The following FOXJ3 variants were observed in gnomAD, a reference collection of about 807,000 sequenced individuals.
The protein encoded by FOXJ3 is forkhead box protein J3.
A neutral mutation model predicts 76.1 loss-of-function variants in FOXJ3; 22 were observed. That is an observed-to-expected ratio of 0.29 (90% CI 0.21 to 0.41). The LOEUF is 0.41. Ranked by LOEUF, FOXJ3 falls within the 10% of genes least tolerant of loss-of-function variation. The pLI is 1.00. For synonymous variants in FOXJ3, 269 were observed against 261.2 expected, an observed-to-expected ratio of 1.03 and a Z score of -0.29; for missense variants, 613 against 762.1, an observed-to-expected ratio of 0.80 and a Z score of 2.30.
At position 42,322,375 on chromosome 1, in the gene FOXJ3, G is replaced by A. The variant is rs572576407; in HGVS notation, c.-17-11265C>T. Reference sequence around the variant, plus strand: ...TACAATGATGGCATGGGTAATATAAGAAAATATTTACATTTTCTTAAAGAT... The same window carrying A: ...TACAATGATGGCATGGGTAATATAAAAAAATATTTACATTTTCTTAAAGAT... On this transcript the variant is annotated intron_variant, in intron 1 of 12. Transcript: ENST00000361346. Among the ~76,000 whole-genome samples the A allele has an allele frequency of 1.4e-4, 21 of 151,942 alleles. No individual in the cohort carries two copies. In the South Asian group the frequency reaches 3.9e-3, roughly 29 times the overall value.
chr1:42,194,727 T>C (rs1181420897), intron 8 of FOXJ3, among the ~76,000 whole-genome samples, 163 bp downstream of exon 8: 1 of 152,194 alleles, frequency 6.6e-6, no homozygotes. Context: ...TGCTATGATA[T>C]AAATAGAACA....
At chr1:42,316,561 T>C (rs920714551) in intron 1 of FOXJ3, among the ~76,000 whole-genome samples, 7 of 152,004 alleles carry the variant, frequency 4.6e-5, no homozygotes, top group African/African-American at 1.7e-4. Context: ...TTCATGACCT[T>C]GTAGCTGAAG....
At chr1:42,278,883 C>T (rs1477179831) in intron 2 of FOXJ3, among the ~76,000 whole-genome samples, 1 of 152,060 alleles carries the variant, frequency 6.6e-6, no homozygotes, top group African/African-American at 2.4e-5. Flanking sequence ...CAAAACATAA[C>T]AAACTTGGTT....
chr1:42,239,677 C>T (rs761363797), intron 4 of FOXJ3, among the ~76,000 whole-genome samples: 5 of 152,156 alleles, frequency 3.3e-5, no homozygotes. Context: ...AGTATTATTA[C>T]TCTGGCTTTT....
intron 4 of FOXJ3, among the ~76,000 whole-genome samples, chr1:42,247,652 T>C (rs1315955954): frequency 2.0e-5 from 3 of 152,188 alleles, no homozygotes; most frequent in Non-Finnish European, 2.9e-5. Flanking sequence ...TTGGCAAGGA[T>C]GTGAAAAACT....
At chr1:42,323,739 G>C (rs1239777643) in intron 1 of FOXJ3, 1 of 939,898 alleles carries the variant, frequency 1.1e-6, no homozygotes, top group African/African-American at 1.8e-5. Flanking sequence ...GTACTCAAGA[G>C]ATATATGCTG....
Position 42,259,788 on chromosome 1 carries a change from C to T in FOXJ3, c.444+5327G>A, listed in dbSNP as rs1202116912. Among the ~76,000 whole-genome samples, 3 of 152,172 alleles carry T rather than the reference C, an allele frequency of 2.0e-5. No individual in the cohort carries two copies. In the East Asian group the frequency reaches 5.8e-4, roughly 29 times the overall value. On this transcript the variant is annotated intron_variant, in intron 4 of 12. Coordinates refer to ENST00000361346, the MANE Select transcript of FOXJ3 (RefSeq NM_014947.5). ...AGTACTTATATTAATTCCCTTAATT[C>T]CTGATTCTACCCAGCTTTGCTCTGA...
intron 2 of FOXJ3, among the ~76,000 whole-genome samples, chr1:42,279,219 T>G (rs761545510): frequency 6.6e-6 from 1 of 151,974 alleles, no homozygotes; most frequent in Non-Finnish European, 1.5e-5. Context: ...AGGTAGGCGG[T>G]AGGAAGAGTA....
chr1:42,283,042 CAT>C (rs1652828092), intron 2 of FOXJ3, among the ~76,000 whole-genome samples: 1 of 152,100 alleles, frequency 6.6e-6, no homozygotes, highest in Admixed American at 6.6e-5. Context: ...TAAGGGTACT[CAT>C]AGGTTTGAAG....
At chr1:42,194,313 G>A (rs1354025622) in intron 8 of FOXJ3, among the ~76,000 whole-genome samples, 2 of 152,152 alleles carry the variant, frequency 1.3e-5, no homozygotes, top group African/African-American at 2.4e-5. Flanking sequence ...ATTATAGCAA[G>A]AATCTACCAT....
intron 5 of FOXJ3, among the ~76,000 whole-genome samples, chr1:42,208,633 G>A (rs1167562222): frequency 6.6e-6 from 1 of 152,144 alleles, no homozygotes; most frequent in Non-Finnish European, 1.5e-5. Context: ...CCAGGAACAA[G>A]ACAATGATAC....
At chr1:42,308,917 T>C (rs1003104943) in intron 2 of FOXJ3, among the ~76,000 whole-genome samples, 2 of 149,904 alleles carry the variant, frequency 1.3e-5, no homozygotes, top group Non-Finnish European at 2.9e-5. Context: ...ATATGAGTGT[T>C]TCAGCATTTC....
chr1:42,252,921 C>T (rs1225084671), intron 4 of FOXJ3, among the ~76,000 whole-genome samples: 23 of 150,186 alleles, frequency 1.5e-4, no homozygotes, highest in African/African-American at 4.4e-4. Flanking sequence ...GATGCCCTCT[C>T]TCACCACTCC....
chr1:42,199,079 A>G, intron 7 of FOXJ3, 23 bp downstream of exon 7: 7 of 1,596,602 alleles, frequency 4.4e-6, no homozygotes, highest in Non-Finnish European at 6.0e-6. Context: ...AACTATTAAC[A>G]TGTTAACTTC....
intron 6 of FOXJ3, among the ~76,000 whole-genome samples, chr1:42,200,380 T>A (rs1040556591): frequency 1.3e-5 from 2 of 152,230 alleles, no homozygotes; most frequent in Admixed American, 1.3e-4. Context: ...TCTTTCCTTT[T>A]TAAAATTCAT....
intron 4 of FOXJ3, among the ~76,000 whole-genome samples, chr1:42,230,188 TC>T: frequency 6.6e-6 from 1 of 152,184 alleles, no homozygotes; most frequent in South Asian, 2.1e-4. Context: ...AATTGTGAAA[TC>T]TTCCACCAAA....
At chr1:42,205,382 T>G (rs1646841293) in intron 6 of FOXJ3, among the ~76,000 whole-genome samples, 1 of 152,228 alleles carries the variant, frequency 6.6e-6, no homozygotes, top group African/African-American at 2.4e-5. Flanking sequence ...TTTATTTTAC[T>G]AGATTCTGTT....
chr1:42,328,050 A>T (rs1282070029), intron 1 of FOXJ3, among the ~76,000 whole-genome samples: 1 of 152,200 alleles, frequency 6.6e-6, no homozygotes, highest in Admixed American at 6.5e-5. Flanking sequence ...CAATCCCAGC[A>T]CTTTGGGGGA....
At chr1:42,268,360 G>A (rs1209512027) in intron 3 of FOXJ3, among the ~76,000 whole-genome samples, 1 of 151,600 alleles carries the variant, frequency 6.6e-6, no homozygotes, top group Non-Finnish European at 1.5e-5. Context: ...CAAAAATAAA[G>A]GCAAAATAAA....
Sources: gnomAD v4.1 joint callset for allele counts (sites outside exome capture counted in the v4.1 genomes callset) on GRCh38, gnomAD v4.1.1 for gene constraint, MANE v1.5 for transcripts, NCBI Gene and HGNC (gene_info 2026-07-23, HGNC 2026-07-21) for gene names.